The following TRIM33 variants were observed in gnomAD, a reference collection of about 807,000 sequenced individuals.
TRIM33 encodes the protein E3 ubiquitin-protein ligase TRIM33.
Under a neutral mutation model 125.4 loss-of-function variants are expected in TRIM33, and 20 were observed. That is an observed-to-expected ratio of 0.16 (90% CI 0.11 to 0.23). The LOEUF is 0.23. Among genes scored for constraint, TRIM33 ranks in the 10% least tolerant of loss-of-function variants. TRIM33 has a pLI of 1.00. For synonymous variants in TRIM33, 564 were observed against 513.9 expected, an observed-to-expected ratio of 1.10 and a Z score of -1.32; for missense variants, 920 against 1,411.4, an observed-to-expected ratio of 0.65 and a Z score of 5.58.
chr1:114,504,930 G>A (rs1273458799), intron 1 of TRIM33, among the ~76,000 whole-genome samples: 1 of 152,126 alleles, frequency 6.6e-6, no homozygotes, highest in Non-Finnish European at 1.5e-5. Context: ...TCTGTTTGCT[G>A]TGAGATACAG....
At chr1:114,499,538 C>T (rs896502002) in intron 1 of TRIM33, among the ~76,000 whole-genome samples, 12 of 151,702 alleles carry the variant, frequency 7.9e-5, no homozygotes, top group African/African-American at 2.9e-4. Context: ...CTGAGAATTT[C>T]TAAATACAAG....
intron 1 of TRIM33, among the ~76,000 whole-genome samples, chr1:114,468,121 T>C (rs937105929): frequency 1.3e-5 from 2 of 152,356 alleles, no homozygotes; most frequent in South Asian, 4.1e-4. Flanking sequence ...AGTATAACCA[T>C]GCCTAAGTCT....
At chr1:114,463,008 GAC>G (rs1650084302) in intron 4 of TRIM33, 94 bp downstream of exon 4, 5 of 942,226 alleles carry the variant, frequency 5.3e-6, no homozygotes, top group Middle Eastern at 2.6e-4. Context: ...AAAAGATTAA[GAC>G]ACAAACATAT....
At chr1:114,493,032 T>G (rs527960949) in intron 1 of TRIM33, among the ~76,000 whole-genome samples, 5 of 152,144 alleles carry the variant, frequency 3.3e-5, no homozygotes, top group African/African-American at 1.2e-4. Context: ...ACCAGCAATA[T>G]AGGACTCTAA....
chr1:114,398,010 C>CAA lies in TRIM33; in HGVS notation c.3121-22_3121-21dup, dbSNP rs5777192. On this transcript the variant is annotated intron_variant, in intron 18 of 19. Coordinates refer to ENST00000358465, the MANE Select transcript of TRIM33 (RefSeq NM_015906.4). ...CATCATCTAAAAAGGATACCAGAGT[C>CAA]AAAAAAAAAAAAGGGAAATTATAAT... 4.5e-6 allele frequency: 6 copies of CAA among 1,335,506 alleles called. No homozygotes were observed. Among genetic ancestry groups the CAA allele is most frequent in the Admixed American group, 2.1e-5 (1 of 47,028 alleles). 82.7% of individuals were successfully genotyped at this position (1,335,506 alleles called of 1,614,324 possible).
At chr1:114,472,707 C>T (rs1329304288) in intron 1 of TRIM33, among the ~76,000 whole-genome samples, 1 of 152,006 alleles carries the variant, frequency 6.6e-6, no homozygotes, top group Non-Finnish European at 1.5e-5. Flanking sequence ...ACAGTGAGAG[C>T]CTGTCTCAAA....
intron 5 of TRIM33, among the ~76,000 whole-genome samples, chr1:114,431,524 A>C (rs1339080261): frequency 6.6e-6 from 1 of 152,234 alleles, no homozygotes; most frequent in Non-Finnish European, 1.5e-5. Context: ...CAGTTATGGA[A>C]GTTTTAGGTG....
intron 4 of TRIM33, among the ~76,000 whole-genome samples, chr1:114,436,814 TC>T (rs1198808850): frequency 6.6e-6 from 1 of 152,176 alleles, no homozygotes; most frequent in African/African-American, 2.4e-5. Flanking sequence ...CGAAGTTTGT[TC>T]CTTCGTGAAA....
At chr1:114,451,374 TA>T (rs11419050) in intron 4 of TRIM33, among the ~76,000 whole-genome samples, 512 of 135,648 alleles carry the variant, frequency 3.8e-3, no homozygotes, top group Admixed American at 4.5e-3. Context: ...TACCCTGCTT[TA>T]AAAAAAAAAA....
chr1:114,463,004 T>A (rs1458228017), intron 4 of TRIM33, 100 bp downstream of exon 4: 2 of 915,670 alleles, frequency 2.2e-6, no homozygotes, highest in African/African-American at 3.4e-5. Flanking sequence ...ATTTAAAAGA[T>A]TAAGACACAA....
At chr1:114,419,542 A>C (rs1268700124) in intron 11 of TRIM33, among the ~76,000 whole-genome samples, 1 of 152,222 alleles carries the variant, frequency 6.6e-6, no homozygotes, top group African/African-American at 2.4e-5. Flanking sequence ...TAGAAATGTT[A>C]CTTTTTAATT....
chr1:114,442,627 G>A (rs1648720752), intron 4 of TRIM33, among the ~76,000 whole-genome samples: 1 of 144,848 alleles, frequency 6.9e-6, no homozygotes, highest in Admixed American at 7.2e-5. Flanking sequence ...AGTGGAGGTT[G>A]CAGTAAGCCA....
intron 1 of TRIM33, among the ~76,000 whole-genome samples, chr1:114,480,089 G>C (rs1651220119): frequency 1.3e-5 from 2 of 152,204 alleles, no homozygotes; most frequent in Admixed American, 1.3e-4. Flanking sequence ...CTGTGTCTGT[G>C]TAGAAAGAAG....
chr1:114,510,399 G>A (rs1653271437), intron 1 of TRIM33, 152 bp downstream of exon 1: 7 of 658,142 alleles, frequency 1.1e-5, no homozygotes, highest in Non-Finnish European at 1.6e-5. Context: ...AGCTTCTCTG[G>A]AAAGTGTCCC....
At chr1:114,501,189 CAAA>C (rs775867907) in intron 1 of TRIM33, among the ~76,000 whole-genome samples, 1 of 23,180 alleles carries the variant, frequency 4.3e-5, no homozygotes, top group Non-Finnish European at 8.6e-5. Context: ...GACTCCGTCT[CAAA>C]AAAAAAAAAA....
chr1:114,503,088 A>G lies in TRIM33; in HGVS notation c.526+7463T>C, dbSNP rs761133591. ...CATTGTGTGGATATTTTTCTTTGAT[A>G]TAACACAAAAACTTAAGAAGAATAT... On this transcript the variant is annotated intron_variant, in intron 1 of 19. Transcript: ENST00000358465. Among the ~76,000 whole-genome samples, 7 of 152,246 alleles carry G rather than the reference A, an allele frequency of 4.6e-5. No individual in the cohort carries two copies. In the South Asian group the frequency reaches 8.3e-4, roughly 18 times the overall value.
At position 114,416,041 on chromosome 1, in the gene TRIM33, T is replaced by C. The variant is rs182154630; in HGVS notation, c.2061+5395A>G. Among the ~76,000 whole-genome samples the C allele has an allele frequency of 3.0e-3, 449 of 151,992 alleles. 1 individual carries two copies. The highest frequency in any genetic ancestry group is 9.3e-3 in the African/African-American group (386 of 41,438). ...AGAAACTCCTTGAGGTCAAGGACCATTTCCGTTTGATCCTTCTATAATCAG... is the reference window on the plus strand; with the variant it reads ...AGAAACTCCTTGAGGTCAAGGACCACTTCCGTTTGATCCTTCTATAATCAG... On this transcript the variant is annotated intron_variant, in intron 11 of 19. Coordinates refer to ENST00000358465, the MANE Select transcript of TRIM33 (RefSeq NM_015906.4).
In TRIM33 at chr1:114,413,431, G is replaced by C. The variant is rs146475111; in HGVS notation, c.2062-3115C>G. ...AAATTAGCTGTGCATGGTGGTGCAT[G>C]CCTGTAATCCCAGCTACTCGAGAGG... On this transcript the variant is annotated intron_variant, in intron 11 of 19. Transcript: ENST00000358465. 2.4e-3 allele frequency among the ~76,000 whole-genome samples: 360 copies of C among 151,646 alleles called. 3 individuals are homozygous for C. The highest frequency in any genetic ancestry group is 8.4e-3 in the African/African-American group (347 of 41,356).
At chr1:114,462,561 T>C (rs552173892) in intron 4 of TRIM33, among the ~76,000 whole-genome samples, 6 of 152,330 alleles carry the variant, frequency 3.9e-5, no homozygotes, top group African/African-American at 1.4e-4. Flanking sequence ...CTAGAAATTT[T>C]TGTACAGTTT....
Sources: allele counts gnomAD v4.1 joint callset (sites outside exome capture counted in the v4.1 genomes callset), GRCh38; gene constraint gnomAD v4.1.1; transcripts MANE v1.5; gene names NCBI Gene and HGNC (gene_info 2026-07-23, HGNC 2026-07-21).